The following POC1A variants were observed in gnomAD, a reference collection of about 807,000 sequenced individuals.
POC1A encodes POC1 centriolar protein homolog A.
In POC1A, 34 loss-of-function variants were observed where a neutral mutation model predicts 47.8. That is an observed-to-expected ratio of 0.71 (90% CI 0.54 to 0.95). The LOEUF (loss-of-function observed/expected upper bound fraction) is 0.95. POC1A is among the 40% of genes least tolerant of loss of function. The pLI is 0.00. For synonymous variants in POC1A, 177 were observed against 207.6 expected, an observed-to-expected ratio of 0.85 and a Z score of 1.27; for missense variants, 466 against 528.3, an observed-to-expected ratio of 0.88 and a Z score of 1.16.
chr3:52,081,611 C>T (rs905929303), intron 10 of POC1A, among the ~76,000 whole-genome samples: 8 of 152,154 alleles, frequency 5.3e-5, no homozygotes, highest in African/African-American at 1.2e-4. Context: ...ATAGGAGGCA[C>T]GTGTGCTGGA....
At chr3:52,140,918 C>T (rs1384055921) in intron 6 of POC1A, among the ~76,000 whole-genome samples, 1 of 152,216 alleles carries the variant, frequency 6.6e-6, no homozygotes, top group Non-Finnish European at 1.5e-5. Flanking sequence ...ATCATGATGC[C>T]TTGAGCGCCA....
Position 52,079,979 on chromosome 3 carries a change from G to T in POC1A, c.1126-3994C>A, listed in dbSNP as rs576577762. Reference sequence around the variant, plus strand: ...TTAAACATGAGGGGGACCAGCAGGAGGTCCTGGGACTGGGCTCAGGGCGGT... The same window carrying T: ...TTAAACATGAGGGGGACCAGCAGGATGTCCTGGGACTGGGCTCAGGGCGGT... On this transcript the variant is annotated intron_variant, in intron 10 of 10. Transcript: ENST00000296484. The surrounding 1 kb of genome is among the most constrained non-coding windows in gnomAD (Gnocchi z 4.6). Among the ~76,000 whole-genome samples, 14 of 152,290 alleles carry T rather than the reference G, an allele frequency of 9.2e-5. No homozygotes were observed. Among genetic ancestry groups the T allele is most frequent in the African/African-American group, 3.4e-4 (14 of 41,562 alleles).
chr3:52,138,537 C>T (rs978374682), intron 6 of POC1A, among the ~76,000 whole-genome samples: 3 of 152,154 alleles, frequency 2.0e-5, no homozygotes, highest in South Asian at 2.1e-4. Context: ...GGAAGACAGG[C>T]GGACAGAAAC....
intron 10 of POC1A, among the ~76,000 whole-genome samples, chr3:52,092,674 G>A (rs1702682454): frequency 2.6e-5 from 4 of 152,188 alleles, no homozygotes; most frequent in Admixed American, 2.6e-4. Flanking sequence ...ACTACGTGGG[G>A]AGGCCTGAAG....
chr3:52,119,341 T>C (rs1255825299), intron 9 of POC1A, among the ~76,000 whole-genome samples: 1 of 151,836 alleles, frequency 6.6e-6, no homozygotes. Context: ...GCAGTGATTC[T>C]AAGCTGGGGA....
At chr3:52,078,033 T>G (rs1702171558) in intron 10 of POC1A, among the ~76,000 whole-genome samples, 1 of 152,178 alleles carries the variant, frequency 6.6e-6, no homozygotes, top group African/African-American at 2.4e-5. Flanking sequence ...GCCACCCCGT[T>G]GAGGCCTTCC....
chr3:52,153,452 A>G (rs1698618495), intron 1 of POC1A, among the ~76,000 whole-genome samples: 1 of 152,212 alleles, frequency 6.6e-6, no homozygotes, highest in East Asian at 1.9e-4. Flanking sequence ...CTCCACCCCT[A>G]ACGCACCTGT....
intron 9 of POC1A, among the ~76,000 whole-genome samples, chr3:52,119,219 T>C (rs942419844): frequency 1.3e-5 from 2 of 151,868 alleles, no homozygotes; most frequent in African/African-American, 4.8e-5. Context: ...TCCCACCTCA[T>C]CCCCGTGCTC....
At chr3:52,122,333 C>A in intron 9 of POC1A, 46 bp downstream of exon 9, 3 of 1,116,734 alleles carry the variant, frequency 2.7e-6, no homozygotes, top group Non-Finnish European at 2.7e-6. Flanking sequence ...CATGACCTAG[C>A]CCACCAGAGT....
intron 1 of POC1A, among the ~76,000 whole-genome samples, chr3:52,152,084 G>A (rs1445129531): frequency 1.3e-5 from 2 of 151,892 alleles, no homozygotes; most frequent in Admixed American, 1.3e-4. Flanking sequence ...GACCAACCTG[G>A]GCAACACAGC....
At chr3:52,144,420 G>T (rs1011219364) in intron 6 of POC1A, among the ~76,000 whole-genome samples, 2 of 152,318 alleles carry the variant, frequency 1.3e-5, no homozygotes, top group South Asian at 2.1e-4. Flanking sequence ...TCCTATGGAG[G>T]GGGGTGGGGT....
intron 1 of POC1A, 192 bp from the exon 2 acceptor site, chr3:52,151,292 T>C: frequency 1.5e-6 from 1 of 666,388 alleles, no homozygotes; most frequent in Non-Finnish European, 2.3e-6. Context: ...TTTGAATTAA[T>C]ACATCAACTG....
At chr3:52,096,838 G>T in intron 9 of POC1A, 126 bp from the exon 10 acceptor site, 1 of 845,874 alleles carries the variant, frequency 1.2e-6, no homozygotes, top group Non-Finnish European at 1.8e-6. Flanking sequence ...AGCTCCAAGT[G>T]TCAGTAAGAA....
At chr3:52,147,851 A>G (rs1698419040) in intron 4 of POC1A, among the ~76,000 whole-genome samples, 1 of 152,112 alleles carries the variant, frequency 6.6e-6, no homozygotes. Context: ...TTTCTTACGT[A>G]GCTTCATGAG....
chr3:52,126,609 T>C (rs1421093202), intron 7 of POC1A, among the ~76,000 whole-genome samples: 4 of 152,246 alleles, frequency 2.6e-5, no homozygotes, highest in Admixed American at 6.5e-5. Context: ...GTTGCTATAA[T>C]GGAATATCTG....
At chr3:52,100,866 C>T (rs1702976964) in intron 9 of POC1A, among the ~76,000 whole-genome samples, 1 of 152,030 alleles carries the variant, frequency 6.6e-6, no homozygotes, top group Admixed American at 6.6e-5. Flanking sequence ...GGACCTCTCC[C>T]CTGTAGAAGA....
intron 7 of POC1A, among the ~76,000 whole-genome samples, chr3:52,129,772 A>C (rs1447486307): frequency 6.6e-6 from 1 of 151,890 alleles, no homozygotes; most frequent in African/African-American, 2.4e-5. Flanking sequence ...CCTCCCTGCT[A>C]CTCTACCTGC....
chr3:52,103,041 G>A (rs1331181257), intron 9 of POC1A, among the ~76,000 whole-genome samples: 1 of 152,242 alleles, frequency 6.6e-6, no homozygotes, highest in Non-Finnish European at 1.5e-5. Context: ...AGAGAATCCA[G>A]AAACTCTAGA....
At chr3:52,096,085 C>T (rs1412451622) in intron 10 of POC1A, among the ~76,000 whole-genome samples, 1 of 152,238 alleles carries the variant, frequency 6.6e-6, no homozygotes, top group African/African-American at 2.4e-5. Context: ...GAGCCCACAA[C>T]CACCAGCACA....
Sources: allele counts gnomAD v4.1 joint callset (sites outside exome capture counted in the v4.1 genomes callset), GRCh38; gene constraint gnomAD v4.1.1; non-coding constraint Gnocchi (gnomAD v3.1); transcripts MANE v1.5; gene names NCBI Gene and HGNC (gene_info 2026-07-23, HGNC 2026-07-21).